Variants in TXNRD1 observed in about 807,000 individuals in gnomAD.
The protein encoded by TXNRD1 is thioredoxin reductase 1, cytoplasmic.
TXNRD1 carries 57 observed loss-of-function variants against 80.3 expected under a neutral mutation model. The ratio of observed to expected loss-of-function variants is 0.71; its 90% CI spans 0.57 to 0.89. The LOEUF (loss-of-function observed/expected upper bound fraction) is 0.89, where lower values mean the gene tolerates loss of function less well. TXNRD1 is among the 40% of genes least tolerant of loss of function. The probability of loss-of-function intolerance (pLI) is 0.00; values close to 1 mark genes in which losing one functional copy is unlikely to be tolerated. For synonymous variants in TXNRD1, 291 were observed against 285.2 expected, an observed-to-expected ratio of 1.02 and a Z score of -0.20; for missense variants, 730 against 803.0, an observed-to-expected ratio of 0.91 and a Z score of 1.10.
chr12:104,252,095 G>A (rs1259550184), intron 2 of TXNRD1, among the ~76,000 whole-genome samples: 3 of 150,250 alleles, frequency 2.0e-5, no homozygotes, highest in South Asian at 4.2e-4. Flanking sequence ...AAAAGTATAT[G>A]TAGGTGTAAC....
chr12:104,308,120 C>T (rs1210894461), intron 4 of TXNRD1, among the ~76,000 whole-genome samples: 3 of 151,908 alleles, frequency 2.0e-5, no homozygotes, highest in Non-Finnish European at 2.9e-5. Context: ...CTCAGCCTCT[C>T]GAGTAGCTGG....
At chr12:104,344,201 C>T (rs528994920) in intron 16 of TXNRD1, among the ~76,000 whole-genome samples, 3 of 152,202 alleles carry the variant, frequency 2.0e-5, no homozygotes, top group East Asian at 3.9e-4. Context: ...TAATAGATGC[C>T]GAATAGCTGC....
At chr12:104,271,412 C>T (rs926035537) in intron 3 of TXNRD1, among the ~76,000 whole-genome samples, 5 of 151,978 alleles carry the variant, frequency 3.3e-5, no homozygotes, top group South Asian at 2.1e-4. Context: ...CTCCTGACCT[C>T]GTGATCTGCC....
Position 104,286,755 on chromosome 12 carries a change from TA to T in TXNRD1, c.305-2171del, listed in dbSNP as rs1197444642. The T allele has an allele frequency of 2.2e-5, 23 of 1,024,352 alleles. No homozygotes were observed. The African/African-American group carries it at 4.0e-4, about 18-fold the overall frequency. 63.5% of individuals were successfully genotyped at this position (1,024,352 alleles called of 1,614,324 possible). The stretch of plus-strand genomic sequence containing the variant: ...TTAGGGCATAGTCTAATTTCTTCAG[TA>T]AAAACACACTTATTCCAAATTTGGT... On this transcript the variant is annotated intron_variant, in intron 3 of 16. Coordinates refer to ENST00000525566, the MANE Select transcript of TXNRD1 (RefSeq NM_001093771.3).
chr12:104,347,300 C>T (rs1434473871), intron 16 of TXNRD1, among the ~76,000 whole-genome samples: 1 of 152,092 alleles, frequency 6.6e-6, no homozygotes, highest in Non-Finnish European at 1.5e-5. Context: ...CTTTGTCACC[C>T]TCTGAGGCTA....
intron 8 of TXNRD1, 31 bp downstream of exon 8, chr12:104,319,086 T>C (rs2035433973): frequency 2.6e-6 from 4 of 1,568,240 alleles, no homozygotes; most frequent in Non-Finnish European, 3.4e-6. Flanking sequence ...CTAGCTTTTT[T>C]TTTTTCTTTT....
Position 104,350,078 on chromosome 12 carries a change from C to CCTAA in TXNRD1, c.*1658_*1661dup, listed in dbSNP as rs1565922178. ...CAGTAGGCGGTATGAGATAATCAGG[C>CCTAA]CTAATCATGTTGTGATTCTCTTTTC... On this transcript the variant is annotated 3_prime_UTR_variant, in exon 17 of 17. Coordinates refer to ENST00000525566, the MANE Select transcript of TXNRD1 (RefSeq NM_001093771.3). 6.6e-6 allele frequency: 1 copy of CCTAA among 152,132 alleles called. No homozygotes were observed. Among genetic ancestry groups the CCTAA allele is most frequent in the Non-Finnish European group, 1.5e-5 (1 of 68,018 alleles). 9.4% of individuals were successfully genotyped at this position (152,132 alleles called of 1,614,324 possible). A position where few individuals can be genotyped will look rare whatever the true frequency, so the allele number is the denominator to read the frequency against.
Position 104,245,517 on chromosome 12 carries a change from C to CAAAAAAAAAAAA in TXNRD1, c.92-5996_92-5985dup, listed in dbSNP as rs10622971. Among the ~76,000 whole-genome samples the CAAAAAAAAAAAA allele has an allele frequency of 1.8e-3, 52 of 29,246 alleles. 10 individuals are homozygous for CAAAAAAAAAAAA. Among genetic ancestry groups the CAAAAAAAAAAAA allele is most frequent in the African/African-American group, 2.6e-3 (26 of 10,092 alleles). The allele number at this position is 29,246 out of a possible 152,430, so 19.2% of individuals were successfully genotyped here. A position where few individuals can be genotyped will look rare whatever the true frequency, so the allele number is the denominator to read the frequency against. On this transcript the variant is annotated intron_variant, in intron 1 of 16. Coordinates refer to ENST00000525566, the MANE Select transcript of TXNRD1 (RefSeq NM_001093771.3). ...GGGCAACAAGAGCGAAACTCCATCT[C>CAAAAAAAAAAAA]AAAAAAAAAAAAAAAAAAAAAAAAA... is the stretch of plus-strand genomic sequence containing the variant.
chr12:104,268,450 G>A (rs1240048657), intron 3 of TXNRD1, among the ~76,000 whole-genome samples: 10 of 150,670 alleles, frequency 6.6e-5, no homozygotes, highest in Non-Finnish European at 1.0e-4. Flanking sequence ...GCGTGAACCC[G>A]AGAGGCTGAG....
chr12:104,296,649 G>T (rs971932137), intron 4 of TXNRD1, among the ~76,000 whole-genome samples: 1 of 152,208 alleles, frequency 6.6e-6, no homozygotes, highest in Admixed American at 6.5e-5. Context: ...TTAATACCTA[G>T]TGTGCATTCA....
chr12:104,308,898 CT>C lies in TXNRD1; in HGVS notation c.415-2375del, dbSNP rs11484262. Among the ~76,000 whole-genome samples, 111 of 129,700 alleles carry C rather than the reference CT, an allele frequency of 8.6e-4. 1 individual carries two copies. The highest frequency in any genetic ancestry group is 1.1e-3 in the African/African-American group (38 of 34,750). The allele number at this position is 129,700 out of a possible 152,430, so 85.1% of individuals were successfully genotyped here. A position where few individuals can be genotyped will look rare whatever the true frequency, so the allele number is the denominator to read the frequency against. On this transcript the variant is annotated intron_variant, in intron 4 of 16. Transcript: ENST00000525566. ...GGTTAAAATTTTAAAAACAATGTTT[CT>C]TTTTTTTTTTTTTTTTGAGACGGAG...
At chr12:104,332,247 C>T (rs1377933874) in intron 14 of TXNRD1, among the ~76,000 whole-genome samples, 1 of 152,088 alleles carries the variant, frequency 6.6e-6, no homozygotes, top group Non-Finnish European at 1.5e-5. Context: ...AATAATGCCA[C>T]CCAAAAGGAC....
Position 104,324,496 on chromosome 12 carries a change from C to T in TXNRD1, c.1216-841C>T, listed in dbSNP as rs181145904. Among the ~76,000 whole-genome samples the T allele has an allele frequency of 3.0e-4, 45 of 152,006 alleles. No homozygotes were observed. The East Asian group carries it at 5.8e-3, about 20-fold the overall frequency. ...CCTCCCAAGTAGCTGGGACTACAGGCGCCCGCCACCACGCCCGGCTAATTT... is the reference window on the plus strand; with the variant it reads ...CCTCCCAAGTAGCTGGGACTACAGGTGCCCGCCACCACGCCCGGCTAATTT... On this transcript the variant is annotated intron_variant, in intron 10 of 16. Coordinates refer to ENST00000525566, the MANE Select transcript of TXNRD1 (RefSeq NM_001093771.3).
At position 104,334,219 on chromosome 12, in the gene TXNRD1, G is replaced by A; in HGVS notation, c.1651-18G>A. The A allele has an allele frequency of 7.1e-7, 1 of 1,409,644 alleles. No individual in the cohort carries two copies. The highest frequency in any genetic ancestry group is 9.5e-7 in the Non-Finnish European group (1 of 1,049,458). 87.3% of individuals were successfully genotyped at this position (1,409,644 alleles called of 1,614,324 possible). On this transcript the variant is annotated intron_variant, in intron 14 of 16. Transcript: ENST00000525566. ...GTTTAAAATAATGGGTCTAAATTTT[G>A]CTTTTGTATCTTCTTAGGTTTACCA...
chr12:104,334,475 C>G (rs1460795422), intron 15 of TXNRD1, 143 bp downstream of exon 15: 1 of 336,398 alleles, frequency 3.0e-6, no homozygotes, highest in African/African-American at 2.2e-5. Context: ...CTCCGCCTCC[C>G]GGGTTCAAGT....
intron 12 of TXNRD1, among the ~76,000 whole-genome samples, 165 bp downstream of exon 12, chr12:104,326,588 C>G (rs1212803493): frequency 6.6e-6 from 1 of 151,404 alleles, no homozygotes; most frequent in East Asian, 1.9e-4. Flanking sequence ...GCCTCAGCCT[C>G]CCATGTAGCT....
chr12:104,299,064 C>T (rs1421728268), intron 4 of TXNRD1, among the ~76,000 whole-genome samples: 1 of 152,160 alleles, frequency 6.6e-6, no homozygotes, highest in Admixed American at 6.5e-5. Flanking sequence ...CTGTATTCAC[C>T]GGATGTGAAA....
At chr12:104,337,997 A>G (rs549084597) in intron 15 of TXNRD1, among the ~76,000 whole-genome samples, 16 of 117,658 alleles carry the variant, frequency 1.4e-4, no homozygotes, top group African/African-American at 4.7e-4. Context: ...GAGTCTCCCT[A>G]TGTTGCCAGG....
At chr12:104,301,606 G>C (rs1203069488) in intron 4 of TXNRD1, among the ~76,000 whole-genome samples, 1 of 152,208 alleles carries the variant, frequency 6.6e-6, no homozygotes, top group Non-Finnish European at 1.5e-5. Context: ...CAAAGTGCTG[G>C]GATTACAGGC....
Sources: allele counts gnomAD v4.1 joint callset (sites outside exome capture counted in the v4.1 genomes callset), GRCh38; gene constraint gnomAD v4.1.1; transcripts MANE v1.5; gene names NCBI Gene and HGNC (gene_info 2026-07-23, HGNC 2026-07-21).